DDX25: variants seen among roughly 807,000 people sequenced by gnomAD.
DDX25 encodes DEAD-box helicase 25.
A neutral mutation model predicts 64.6 loss-of-function variants in DDX25; 70 were observed. The ratio of observed to expected loss-of-function variants is 1.08; its 90% confidence interval spans 0.89 to 1.32. The LOEUF (loss-of-function observed/expected upper bound fraction) is 1.32. Among genes scored for constraint, DDX25 ranks in the 40% most tolerant of loss-of-function variants. DDX25 has a pLI of 0.00. For missense variants in DDX25, 587 were observed against 604.4 expected, an observed-to-expected ratio of 0.97 and a Z score of 0.30; for synonymous variants, 211 against 213.3, an observed-to-expected ratio of 0.99 and a Z score of 0.09.
intron 8 of DDX25, among the ~76,000 whole-genome samples, chr11:125,913,169 A>G (rs993273138): frequency 6.6e-6 from 1 of 152,020 alleles, no homozygotes; most frequent in Non-Finnish European, 1.5e-5. Context: ...AAAAAAAAAA[A>G]AAAAAACCAT....
intron 8 of DDX25, among the ~76,000 whole-genome samples, chr11:125,913,340 C>T (rs1441256395): frequency 1.3e-5 from 2 of 152,076 alleles, no homozygotes; most frequent in East Asian, 3.9e-4. Context: ...CCTCAGTATG[C>T]TGGAGTATAT....
intron 11 of DDX25, 170 bp from the exon 12 acceptor site, chr11:125,922,650 T>A (rs1270664055): frequency 2.4e-5 from 13 of 533,188 alleles, no homozygotes; most frequent in Non-Finnish European, 4.0e-5. Context: ...TCTGGTGCAT[T>A]TGATGCTGTT....
intron 8 of DDX25, among the ~76,000 whole-genome samples, chr11:125,916,048 C>T (rs1434666708): frequency 2.6e-5 from 4 of 152,090 alleles, no homozygotes; most frequent in African/African-American, 9.7e-5. Flanking sequence ...AGAGGTCTAT[C>T]GGATTGTTGT....
At chr11:125,905,944 GA>G in intron 3 of DDX25, 129 bp from the exon 4 acceptor site, 1 of 1,189,328 alleles carries the variant, frequency 8.4e-7, no homozygotes, top group Non-Finnish European at 1.1e-6. Context: ...ATTCTTTCTG[GA>G]ACCCTCTTTT....
In DDX25 at chr11:125,922,813, C is replaced by A; in HGVS notation, c.1391-7C>A. On this transcript the variant is annotated splice_region_variant and splice_polypyrimidine_tract_variant and intron_variant, in intron 11 of 11. Transcript: ENST00000263576. ...GAGACTAGTTCTGTTCTCTTTTGTT[C>A]TTTTAGACAGCAGTATTAAGCAACT... 1 of 1,604,554 alleles carries A rather than the reference C, an allele frequency of 6.2e-7. No individual in the cohort carries two copies. Among genetic ancestry groups the A allele is most frequent in the Middle Eastern group, 1.7e-4 (1 of 5,904 alleles).
chr11:125,911,795 A>G (rs1944972321), intron 8 of DDX25, among the ~76,000 whole-genome samples: 1 of 152,232 alleles, frequency 6.6e-6, no homozygotes, highest in Non-Finnish European at 1.5e-5. Context: ...CCAAAATTCT[A>G]AAGAGGATCT....
Position 125,906,164 on chromosome 11 carries a change from C to G in DDX25, c.266C>G (p.Pro89Arg), listed in dbSNP as rs1376224906. Reference protein sequence around the residue: ...SHRVEVLQKDPSSPLYSVKTF... With the variant: ...SHRVEVLQKDRSSPLYSVKTF... ...CGTGTGGAAGTTTTACAGAAGGATC[C>G]CAGCTCTCCACTTTACTCAGTAAAG... The change falls in exon 4 of 12, where the codon CCC becomes CGC. Residue 89 changes from proline to arginine, a missense_variant. Coordinates refer to ENST00000263576, the MANE Select transcript of DDX25 (RefSeq NM_013264.5). 1.3e-6 allele frequency: 2 copies of G among 1,551,050 alleles called. No homozygotes were observed. The highest frequency in any genetic ancestry group is 8.7e-7 in the Non-Finnish European group (1 of 1,146,838).
At chr11:125,905,365 C>G in intron 2 of DDX25, 87 bp downstream of exon 2, 4 of 1,451,434 alleles carry the variant, frequency 2.8e-6, no homozygotes, top group Non-Finnish European at 3.8e-6. Context: ...AGTGAAACAC[C>G]GCGGATTCAT....
upstream of DDX25, chr11:125,904,286 GCCCCGCTCTCTGC>G (rs1944840938): frequency 2.8e-6 from 1 of 358,328 alleles, no homozygotes; most frequent in African/African-American, 2.1e-5. Flanking sequence ...TCTGCCCTCC[GCCCCGCTCTCTGC>G]CCTCCGCCCC....
At chr11:125,910,554 C>T in intron 7 of DDX25, 76 bp downstream of exon 7, 1 of 1,269,838 alleles carries the variant, frequency 7.9e-7, no homozygotes, top group Non-Finnish European at 1.1e-6. Flanking sequence ...TATATAACTT[C>T]TTGGCATTCT....
intron 4 of DDX25, among the ~76,000 whole-genome samples, chr11:125,906,764 T>C (rs1345514849): frequency 4.3e-5 from 6 of 140,688 alleles, no homozygotes; most frequent in Non-Finnish European, 1.5e-5. Flanking sequence ...AGGCAGAGGT[T>C]GCAGTGAGCC....
At chr11:125,918,912 A>G in intron 10 of DDX25, 122 bp downstream of exon 10, 1 of 1,189,254 alleles carries the variant, frequency 8.4e-7, no homozygotes, top group Non-Finnish European at 1.2e-6. Context: ...TGTCATCAAA[A>G]TACAGAGCAT....
In DDX25 at chr11:125,906,080, TG is replaced by T; in HGVS notation, c.184del (p.Ala62GlnfsTer6). 1 of 1,530,364 alleles carries T rather than the reference TG, an allele frequency of 6.5e-7. No homozygotes were observed. The highest frequency in any genetic ancestry group is 8.8e-7 in the Non-Finnish European group (1 of 1,141,814). The allele number at this position is 1,530,364 out of a possible 1,614,324, so 94.8% of individuals were successfully genotyped here. The part of the protein sequence containing the change: ...NEDDEEDVVD[L>X]AANSLLNKLI... ...TTTATTTTTGCTTTTCTAGTGGATT[TG>T]GCAGCTAATTCACTCTTAAACAAGT... On this transcript the variant is annotated frameshift_variant, in exon 4 of 12. Transcript: ENST00000263576. LOFTEE classifies it high-confidence loss of function.
At chr11:125,913,578 C>T (rs1944994124) in intron 8 of DDX25, among the ~76,000 whole-genome samples, 1 of 152,038 alleles carries the variant, frequency 6.6e-6, no homozygotes, top group African/African-American at 2.4e-5. Flanking sequence ...ACTGTTGTTA[C>T]TGAAAAGTTT....
intron 8 of DDX25, 135 bp downstream of exon 8, chr11:125,911,623 T>C: frequency 1.0e-6 from 1 of 959,724 alleles, no homozygotes; most frequent in Non-Finnish European, 1.5e-6. Context: ...AGTTTTTACA[T>C]TATTTTCACC....
chr11:125,905,473 A>G, intron 2 of DDX25, 80 bp from the exon 3 acceptor site: 1 of 1,468,604 alleles, frequency 6.8e-7, no homozygotes, highest in Non-Finnish European at 9.3e-7. Flanking sequence ...AGAGTCAGGA[A>G]GAAAAAATTG....
intron 4 of DDX25, among the ~76,000 whole-genome samples, chr11:125,907,373 C>A (rs556779471): frequency 6.6e-6 from 1 of 151,874 alleles, no homozygotes; most frequent in Non-Finnish European, 1.5e-5. Context: ...CTTTGGGAGG[C>A]CAAGGGGGGC....
At chr11:125,914,486 T>C (rs545704907) in intron 8 of DDX25, among the ~76,000 whole-genome samples, 10 of 152,338 alleles carry the variant, frequency 6.6e-5, no homozygotes, top group African/African-American at 1.9e-4. Flanking sequence ...CTAAGGCTTG[T>C]ATCCCCAAAT....
chr11:125,909,376 G>A (rs1176374710), intron 6 of DDX25, among the ~76,000 whole-genome samples: 7 of 152,180 alleles, frequency 4.6e-5, no homozygotes, highest in African/African-American at 1.7e-4. Flanking sequence ...TTTGAAAAAT[G>A]TGTGGGAAAG....
Sources: allele counts gnomAD v4.1 joint callset (sites outside exome capture counted in the v4.1 genomes callset), GRCh38; gene constraint gnomAD v4.1.1; transcripts MANE v1.5; gene names NCBI Gene and HGNC (gene_info 2026-07-23, HGNC 2026-07-21).